Variants in ELMO1 observed in about 807,000 individuals in gnomAD.
ELMO1 encodes the protein engulfment and cell motility protein 1.
ELMO1 carries 26 observed loss-of-function variants against 98.9 expected under a neutral mutation model. The ratio of observed to expected loss-of-function variants is 0.26; its 90% CI spans 0.19 to 0.36. ELMO1 has a LOEUF of 0.36. Ranked by LOEUF, ELMO1 falls within the 10% of genes least tolerant of loss-of-function variation. The probability of loss-of-function intolerance (pLI) is 1.00; values close to 1 mark genes in which losing one functional copy is unlikely to be tolerated. For missense variants in ELMO1, 627 were observed against 935.2 expected (o/e 0.67, Z 4.30); for synonymous variants, 346 against 346.0 (o/e 1.00, Z 0.00).
At chr7:37,182,578 C>T (rs1563061456) in intron 13 of ELMO1, among the ~76,000 whole-genome samples, 1 of 150,626 alleles carries the variant, frequency 6.6e-6, no homozygotes, top group African/African-American at 2.5e-5. Context: ...TCTCTCTCTC[C>T]CTCCCCCTCC....
At chr7:37,044,862 G>A (rs1306823647) in intron 15 of ELMO1, among the ~76,000 whole-genome samples, 1 of 152,166 alleles carries the variant, frequency 6.6e-6, no homozygotes, top group Non-Finnish European at 1.5e-5. Context: ...AATAAAGTAT[G>A]AATTAGAGAA....
chr7:37,295,737 G>A (rs577597921), intron 4 of ELMO1, among the ~76,000 whole-genome samples: 120 of 152,250 alleles, frequency 7.9e-4, no homozygotes, highest in Non-Finnish European at 1.4e-3. Context: ...ATGCCTCAGA[G>A]CCCAAATAGA....
chr7:37,249,704 C>T (rs1048000459), intron 6 of ELMO1, among the ~76,000 whole-genome samples: 13 of 152,190 alleles, frequency 8.5e-5, no homozygotes. Flanking sequence ...AAAATGTATA[C>T]ATACTCTGAG....
At chr7:36,977,870 A>T (rs1011702607) in intron 16 of ELMO1, among the ~76,000 whole-genome samples, 1 of 152,248 alleles carries the variant, frequency 6.6e-6, no homozygotes. Flanking sequence ...GCATAGGTGA[A>T]TACACAGATG....
chr7:36,919,604 G>C (rs958437722), intron 16 of ELMO1, among the ~76,000 whole-genome samples: 3 of 152,164 alleles, frequency 2.0e-5, no homozygotes, highest in African/African-American at 7.2e-5. Flanking sequence ...AACAGAGTAG[G>C]CCTGGCAACT....
At chr7:37,343,487 CTTTTTTTTTTTT>C (rs10571805) in intron 1 of ELMO1, among the ~76,000 whole-genome samples, 2 of 92,820 alleles carry the variant, frequency 2.2e-5, no homozygotes, top group East Asian at 6.2e-4. Context: ...TAGCCCATTT[CTTTTTTTTTTTT>C]TTTTTTTTTT....
chr7:37,092,782 C>A (rs766199174), intron 15 of ELMO1, among the ~76,000 whole-genome samples: 1 of 152,096 alleles, frequency 6.6e-6, no homozygotes, highest in Non-Finnish European at 1.5e-5. Context: ...AAGGAACCAG[C>A]GGCTCAGAAC....
At chr7:37,169,171 G>C (rs764775629) in intron 13 of ELMO1, among the ~76,000 whole-genome samples, 3 of 152,160 alleles carry the variant, frequency 2.0e-5, no homozygotes, top group African/African-American at 4.8e-5. Flanking sequence ...CTCCTGGTGC[G>C]CCGTTTTTTA....
At chr7:37,014,508 T>G (rs935602270) in intron 15 of ELMO1, among the ~76,000 whole-genome samples, 2 of 152,070 alleles carry the variant, frequency 1.3e-5, no homozygotes, top group African/African-American at 4.8e-5. Flanking sequence ...TGTAACATGG[T>G]GGTTTGCATG....
At chr7:37,210,255 G>T (rs1792878634) in intron 13 of ELMO1, among the ~76,000 whole-genome samples, 1 of 152,106 alleles carries the variant, frequency 6.6e-6, no homozygotes, top group African/African-American at 2.4e-5. Flanking sequence ...TGGGCTGTAA[G>T]ATATTAATTA....
chr7:37,016,412 T>G (rs1335704646), intron 15 of ELMO1, among the ~76,000 whole-genome samples: 1 of 152,198 alleles, frequency 6.6e-6, no homozygotes, highest in African/African-American at 2.4e-5. Flanking sequence ...ATCATGAGCT[T>G]TTTTTAGTTG....
intron 16 of ELMO1, among the ~76,000 whole-genome samples, chr7:36,963,151 G>A (rs547065060): frequency 1.2e-3 from 185 of 152,104 alleles, no homozygotes; most frequent in African/African-American, 3.6e-3. Context: ...TTGGGAGGCC[G>A]AGGTGGGCAG....
intron 16 of ELMO1, among the ~76,000 whole-genome samples, chr7:36,984,394 C>A (rs1791339148): frequency 6.6e-6 from 1 of 152,192 alleles, no homozygotes; most frequent in South Asian, 2.1e-4. Context: ...TTAGGAAATT[C>A]TCCCTCTCCT....
At chr7:37,146,683 T>C (rs1788010466) in intron 13 of ELMO1, among the ~76,000 whole-genome samples, 1 of 152,138 alleles carries the variant, frequency 6.6e-6, no homozygotes, top group Admixed American at 6.5e-5. Context: ...TCCCTCTCCA[T>C]ATGTAACAGG....
chr7:37,064,588 G>A (rs1257728309), intron 15 of ELMO1, among the ~76,000 whole-genome samples: 1 of 152,176 alleles, frequency 6.6e-6, no homozygotes, highest in African/African-American at 2.4e-5. Flanking sequence ...GCAGAACAGT[G>A]TTTGGCACAC....
At chr7:37,146,680 C>T (rs1364442667) in intron 13 of ELMO1, among the ~76,000 whole-genome samples, 1 of 152,144 alleles carries the variant, frequency 6.6e-6, no homozygotes, top group African/African-American at 2.4e-5. Context: ...TGGTCCCTCT[C>T]CATATGTAAC....
chr7:37,326,383 C>T (rs189482169), intron 2 of ELMO1, among the ~76,000 whole-genome samples: 5 of 152,068 alleles, frequency 3.3e-5, no homozygotes, highest in East Asian at 3.9e-4. Context: ...GGTGAAACTC[C>T]GTCTTTACTA....
At chr7:37,234,799 G>A (rs910262794) in intron 7 of ELMO1, among the ~76,000 whole-genome samples, 1 of 152,188 alleles carries the variant, frequency 6.6e-6, no homozygotes. Context: ...TGTAAGTAGC[G>A]TGTGAGTGTT....
chr7:37,114,337 G>T (rs974210648), intron 14 of ELMO1, among the ~76,000 whole-genome samples: 1 of 152,236 alleles, frequency 6.6e-6, no homozygotes, highest in Admixed American at 6.5e-5. Context: ...GGTGGTAGAA[G>T]TGGGGAAAGG....
Sources: allele counts gnomAD v4.1 joint callset (sites outside exome capture counted in the v4.1 genomes callset), GRCh38; gene constraint gnomAD v4.1.1; transcripts MANE v1.5; gene names NCBI Gene and HGNC (gene_info 2026-07-23, HGNC 2026-07-21).